The following ARAP1 variants were observed in gnomAD, a reference collection of about 807,000 sequenced individuals.
ARAP1 encodes the protein arf-GAP with Rho-GAP domain, ANK repeat and PH domain-containing protein 1.
ARAP1 carries 76 observed loss-of-function variants against 172.2 expected under a neutral mutation model. That is an observed-to-expected ratio of 0.44 (90% CI 0.37 to 0.53). The LOEUF is 0.53. Ranked by LOEUF, ARAP1 falls within the 20% of genes least tolerant of loss-of-function variation. The probability of loss-of-function intolerance (pLI) is 0.00; values close to 1 mark genes in which losing one functional copy is unlikely to be tolerated. For synonymous variants in ARAP1, 804 were observed against 803.3 expected (o/e 1.00, Z -0.01); for missense variants, 1,686 against 1,977.5 (o/e 0.85, Z 2.80).
chr11:72,712,317 G>A lies in ARAP1; in HGVS notation c.901C>T (p.Leu301=), dbSNP rs1375520950. The A allele has an allele frequency of 1.3e-6, 2 of 1,563,324 alleles. No individual in the cohort carries two copies. Among genetic ancestry groups the A allele is most frequent in the East Asian group, 2.3e-5 (1 of 44,200 alleles). Reference sequence around the variant, plus strand: ...ATTGTGCTGGGCAAGGACAAGCTCAGGCTGCTGGTATGCCATCCGCCACTA... The same window carrying A: ...ATTGTGCTGGGCAAGGACAAGCTCAAGCTGCTGGTATGCCATCCGCCACTA... ...VPNGGWHTSS[L]SLSLPSTIAA... is the part of the protein sequence containing the mutation. Residue 301 remains leucine (L), a synonymous_variant, in exon 7 of 35, where the codon CTG becomes TTG. Coordinates refer to ENST00000393609, the MANE Select transcript of ARAP1 (RefSeq NM_001040118.3).
chr11:72,703,785 G>GA (rs1856625467), intron 14 of ARAP1: 1 of 231,876 alleles, frequency 4.3e-6, no homozygotes, highest in East Asian at 1.3e-4. Context: ...TGTGGATGGG[G>GA]ATGGGTCAGA....
At chr11:72,704,383 C>A in intron 13 of ARAP1, 49 bp from the exon 14 acceptor site, 2 of 1,493,142 alleles carry the variant, frequency 1.3e-6, no homozygotes, top group Non-Finnish European at 1.8e-6. Context: ...AGCCAGGGGC[C>A]GTGCCGGGCA....
chr11:72,692,092 G>A (rs944721926), intron 30 of ARAP1, among the ~76,000 whole-genome samples: 1 of 152,112 alleles, frequency 6.6e-6, no homozygotes, highest in African/African-American at 2.4e-5. Context: ...CTGCTGCAGG[G>A]CATCTATGCT....
chr11:72,744,824 T>G (rs935117449), intron 1 of ARAP1, among the ~76,000 whole-genome samples: 1 of 151,624 alleles, frequency 6.6e-6, no homozygotes, highest in African/African-American at 2.4e-5. Context: ...GGCAAATGAG[T>G]GTCCTGGTTC....
At chr11:72,730,087 T>C (rs1857816037) in intron 2 of ARAP1, among the ~76,000 whole-genome samples, 1 of 152,002 alleles carries the variant, frequency 6.6e-6, no homozygotes, top group African/African-American at 2.4e-5. Context: ...AACAACAAAC[T>C]AGGGGATATC....
rs558852563 is a variant in ARAP1 at position 72,703,727 on chromosome 11, C to T, written c.1992+425G>A. ...AGATCAGGGCCTAAGACTTGGCTCC[C>T]AGCCTGTCAGGGCCTGGGGCCCATG... is the stretch of plus-strand genomic sequence containing the variant. On this transcript the variant is annotated intron_variant, in intron 14 of 34. Transcript: ENST00000393609. The T allele has an allele frequency of 5.5e-5, 10 of 182,108 alleles. No homozygotes were observed. In the South Asian group the frequency reaches 1.0e-3, roughly 19 times the overall value. The allele number at this position is 182,108 out of a possible 1,614,324, so 11.3% of individuals were successfully genotyped here.
chr11:72,712,239 G>A lies in ARAP1; in HGVS notation c.979C>T (p.Pro327Ser), dbSNP rs1356704937. 2 of 1,608,340 alleles carry A rather than the reference G, an allele frequency of 1.2e-6. No homozygotes were observed. The highest frequency in any genetic ancestry group is 1.1e-5 in the South Asian group (1 of 90,432). The change falls in exon 7 of 35, where the codon CCA becomes TCA. Residue 327 changes from proline to serine, a missense_variant. By Grantham distance (74) the Pro-to-Ser change is moderately conservative. Transcript: ENST00000393609. ...TCCAGCCAGCCAGCCTTGATGACTG[G>A]TGTGACGGGGGTGGAGCCCCCAGGC... ...GPPGGSTPVTPVIKAGWLDKN... is the reference protein window; with the variant it reads ...GPPGGSTPVTSVIKAGWLDKN...
At chr11:72,720,152 C>T (rs1283525899) in intron 3 of ARAP1, among the ~76,000 whole-genome samples, 2 of 152,210 alleles carry the variant, frequency 1.3e-5, no homozygotes, top group Non-Finnish European at 1.5e-5. Context: ...AGCCCCTGGA[C>T]TCTCACCATC....
chr11:72,695,605 C>T lies in ARAP1; in HGVS notation c.3444G>A (p.Lys1148=). 1 of 1,614,178 alleles carries T rather than the reference C, an allele frequency of 6.2e-7. No homozygotes were observed. Among genetic ancestry groups the T allele is most frequent in the Non-Finnish European group, 8.5e-7 (1 of 1,180,044 alleles). ...VFSVDEEELR[K]QREEITAIVK... is the part of the protein sequence containing the mutation. ...CAATGGCAGTGATCTCCTCCCGCTGCTTCCTGAGCTCTTCCTCATCCACCT... is the reference window on the plus strand; with the variant it reads ...CAATGGCAGTGATCTCCTCCCGCTGTTTCCTGAGCTCTTCCTCATCCACCT... The change falls in exon 25 of 35, where the codon AAG becomes AAA. Residue 1148 remains lysine, a synonymous_variant. Transcript: ENST00000393609. The surrounding 1 kb of genome is among the most constrained non-coding windows in gnomAD (Gnocchi z 4.4).
chr11:72,698,071 G>T lies in ARAP1; in HGVS notation c.2577C>A (p.Ala859=). 6.2e-7 allele frequency: 1 copy of T among 1,606,116 alleles called. No homozygotes were observed. Among genetic ancestry groups the T allele is most frequent in the South Asian group, 1.1e-5 (1 of 89,580 alleles). ...GGCGTCCCAGCCGCTCAAAATCCCGGGCCAGCAGATCCTCGGCTAGGGGAG... is the reference window on the plus strand; with the variant it reads ...GGCGTCCCAGCCGCTCAAAATCCCGTGCCAGCAGATCCTCGGCTAGGGGAG... ...FVPPLAEDLL[A]RDFERLGRLP... Residue 859 remains alanine, a synonymous_variant, in exon 19 of 35, where the codon GCC becomes GCA. Coordinates refer to ENST00000393609, the MANE Select transcript of ARAP1 (RefSeq NM_001040118.3).
Position 72,695,390 on chromosome 11 carries a change from G to C in ARAP1, c.3573C>G (p.Ile1191Met). ...GCTTCTAGGTCCCAGCACCTACCTT[G>C]ATATGCTGCTCAGTCTCTGCCTTCT... ...EEKKAETEQHIKVPASMTAEE... is the reference protein window; with the variant it reads ...EEKKAETEQHMKVPASMTAEE... The change falls in exon 26 of 35, where the codon ATC becomes ATG. Residue 1191 changes from isoleucine (I) to methionine (M), a missense_variant. Ile to Met is a conservative substitution (Grantham distance 10). Around this residue, in one of 5 missense-constraint regions of ARAP1, gnomAD observed 379 missense variants for 500.1 expected, o/e 0.76. Transcript: ENST00000393609. The surrounding 1 kb of genome is among the most constrained non-coding windows in gnomAD (Gnocchi z 4.4). The C allele has an allele frequency of 6.2e-7, 1 of 1,614,170 alleles. No individual in the cohort carries two copies. The highest frequency in any genetic ancestry group is 8.5e-7 in the Non-Finnish European group (1 of 1,180,032).
At chr11:72,733,818 A>G (rs1371902870) in intron 1 of ARAP1, among the ~76,000 whole-genome samples, 1 of 152,144 alleles carries the variant, frequency 6.6e-6, no homozygotes, top group African/African-American at 2.4e-5. Flanking sequence ...TTTTTTAAAT[A>G]TTTTATTTTA....
intron 19 of ARAP1, 31 bp from the exon 20 acceptor site, chr11:72,697,680 G>A: frequency 6.2e-7 from 1 of 1,613,150 alleles, no homozygotes; most frequent in Non-Finnish European, 8.5e-7. Flanking sequence ...GTGAGGCCCA[G>A]GTCTTGCTCC....
chr11:72,743,003 G>A (rs1266328705), intron 1 of ARAP1, among the ~76,000 whole-genome samples: 1 of 152,046 alleles, frequency 6.6e-6, no homozygotes, highest in African/African-American at 2.4e-5. Flanking sequence ...ATACCCATTC[G>A]GGCACCTCCT....
intron 3 of ARAP1, among the ~76,000 whole-genome samples, chr11:72,723,631 T>C (rs960514180): frequency 1.3e-5 from 2 of 152,228 alleles, no homozygotes; most frequent in African/African-American, 4.8e-5. Context: ...CAGGGCCCTA[T>C]GGCCCAGCTG....
chr11:72,709,834 T>C (rs758960294), intron 11 of ARAP1, 36 bp downstream of exon 11: 31 of 1,596,836 alleles, frequency 1.9e-5, no homozygotes, highest in Non-Finnish European at 2.5e-5. Context: ...TAGGAAGGAG[T>C]GAGGATGCCG....
At position 72,699,332 on chromosome 11, in the gene ARAP1, C is replaced by T. The variant is rs890462747; in HGVS notation, c.2438+85G>A. The T allele has an allele frequency of 4.4e-6, 7 of 1,584,444 alleles. No homozygotes were observed. Among genetic ancestry groups the T allele is most frequent in the Non-Finnish European group, 6.0e-6 (7 of 1,162,764 alleles). ...CTGTGTGACTCTGCGGAGGTCCTCC[C>T]CTTCTCTGGGTCTATTTCCCTGTCT... On this transcript the variant is annotated intron_variant, in intron 17 of 34. Transcript: ENST00000393609. The surrounding 1 kb of genome is among the most constrained non-coding windows in gnomAD (Gnocchi z 4.2).
At position 72,727,113 on chromosome 11, in the gene ARAP1, C is replaced by T. The variant is rs764673999; in HGVS notation, c.16G>A (p.Asp6Asn). 467 of 1,588,642 alleles carry T rather than the reference C, an allele frequency of 2.9e-4. No homozygotes were observed. The highest frequency in any genetic ancestry group is 3.9e-4 in the Non-Finnish European group (454 of 1,163,270). MAEAG[D>N]AALSVAEWLR... ...CACTCGGCCACCGATAGCGCAGCATCCCCAGCCTCTGCCATGGTTCCTGCC... is the reference window on the plus strand; with the variant it reads ...CACTCGGCCACCGATAGCGCAGCATTCCCAGCCTCTGCCATGGTTCCTGCC... The change falls in exon 3 of 35, where the codon GAT becomes AAT. Residue 6 changes from aspartate to asparagine, a missense_variant. Coordinates refer to ENST00000393609, the MANE Select transcript of ARAP1 (RefSeq NM_001040118.3).
chr11:72,697,076 C>A lies in ARAP1; in HGVS notation c.3073G>T (p.Asp1025Tyr). 6.2e-7 allele frequency: 1 copy of A among 1,610,118 alleles called. No homozygotes were observed. Among genetic ancestry groups the A allele is most frequent in the Non-Finnish European group, 8.5e-7 (1 of 1,179,932 alleles). Residue 1025 changes from aspartate to tyrosine, a missense_variant, in exon 22 of 35, where the codon GAT (aspartate) becomes TAT (tyrosine). Asp to Tyr is a radical substitution (Grantham distance 160). Around this residue, in one of 5 missense-constraint regions of ARAP1, gnomAD observed 274 missense variants for 262.7 expected, o/e 1.04. Transcript: ENST00000393609. ...CGCTTGAGCGCCGAGGAAACATCATCCACGTGCTGCTCGCCCTCCTTGAGG... is the reference window on the plus strand; with the variant it reads ...CGCTTGAGCGCCGAGGAAACATCATACACGTGCTGCTCGCCCTCCTTGAGG... Reference protein sequence around the residue: ...VHLKEGEQHVDDVSSALKRFL... With the variant: ...VHLKEGEQHVYDVSSALKRFL...
Sources: allele counts gnomAD v4.1 joint callset (sites outside exome capture counted in the v4.1 genomes callset), GRCh38; gene constraint gnomAD v4.1.1; regional missense constraint gnomAD v4.1.1; non-coding constraint Gnocchi (gnomAD v3.1); transcripts MANE v1.5; gene names NCBI Gene and HGNC (gene_info 2026-07-23, HGNC 2026-07-21).